Variants in CACNA2D3 observed in about 807,000 individuals in gnomAD.
CACNA2D3 encodes calcium voltage-gated channel auxiliary subunit alpha2delta 3, also known as voltage-dependent calcium channel subunit alpha-2/delta-3.
In CACNA2D3, 60 loss-of-function variants were observed where a neutral mutation model predicts 160.6. The observed-to-expected ratio is 0.37, with a 90% CI of 0.30 to 0.46. CACNA2D3 has a LOEUF of 0.46. CACNA2D3 is among the 20% of genes least tolerant of loss of function. The probability of loss-of-function intolerance (pLI) is 1.00; values close to 1 mark genes in which losing one functional copy is unlikely to be tolerated. For synonymous variants in CACNA2D3, 558 were observed against 492.9 expected (o/e 1.13, Z -1.75); for missense variants, 1,205 against 1,365.0 (o/e 0.88, Z 1.85).
chr3:54,217,317 C>G (rs954294885), intron 2 of CACNA2D3, among the ~76,000 whole-genome samples: 3 of 152,158 alleles, frequency 2.0e-5, no homozygotes, highest in Non-Finnish European at 4.4e-5. Context: ...GTGGCAGTGT[C>G]CCTTCCCCTG....
At chr3:54,289,139 A>T (rs1190176492) in intron 2 of CACNA2D3, among the ~76,000 whole-genome samples, 2 of 152,202 alleles carry the variant, frequency 1.3e-5, no homozygotes, top group African/African-American at 2.4e-5. Context: ...AGACGACATG[A>T]TTGTATATCT....
At chr3:54,843,365 G>A (rs940297862) in intron 16 of CACNA2D3, among the ~76,000 whole-genome samples, 4 of 152,244 alleles carry the variant, frequency 2.6e-5, no homozygotes, top group Admixed American at 2.0e-4. Context: ...ATGAGCTGAG[G>A]CTGAGCTTAT....
chr3:55,038,761 C>T (rs1192527474), intron 35 of CACNA2D3, among the ~76,000 whole-genome samples: 1 of 151,042 alleles, frequency 6.6e-6, no homozygotes, highest in Non-Finnish European at 1.5e-5. Flanking sequence ...TAATAATTTC[C>T]ATATAGAATG....
intron 4 of CACNA2D3, among the ~76,000 whole-genome samples, chr3:54,480,624 T>G (rs1267859413): frequency 6.6e-6 from 1 of 152,142 alleles, no homozygotes; most frequent in Non-Finnish European, 1.5e-5. Flanking sequence ...AATGGGCCTT[T>G]CTGTAATATA....
intron 11 of CACNA2D3, among the ~76,000 whole-genome samples, chr3:54,737,322 G>C (rs966820738): frequency 6.6e-6 from 1 of 152,012 alleles, no homozygotes. Context: ...TAAAAAGGGG[G>C]ACTTATGATA....
intron 2 of CACNA2D3, among the ~76,000 whole-genome samples, chr3:54,156,195 C>T (rs1346769879): frequency 1.3e-5 from 2 of 152,156 alleles, no homozygotes; most frequent in African/African-American, 4.8e-5. Flanking sequence ...CTGCGAATCA[C>T]CAGCAGGGGA....
intron 10 of CACNA2D3, chr3:54,639,566 GA>G: frequency 5.2e-6 from 1 of 190,534 alleles, no homozygotes. Flanking sequence ...GAGGGATAGT[GA>G]GGGAGGTTGG....
intron 27 of CACNA2D3, among the ~76,000 whole-genome samples, chr3:54,926,939 C>T (rs1360037563): frequency 6.6e-6 from 1 of 152,166 alleles, no homozygotes; most frequent in African/African-American, 2.4e-5. Flanking sequence ...CTGTCATTCA[C>T]CAAAGTAGCT....
At chr3:54,874,891 C>A (rs1699622693) in intron 18 of CACNA2D3, 1 of 152,208 alleles carries the variant, frequency 6.6e-6, no homozygotes, top group Non-Finnish European at 1.5e-5. Context: ...ATAGGGAGTG[C>A]CTTGCACATA....
At chr3:54,571,559 C>G (rs1239104521) in intron 8 of CACNA2D3, among the ~76,000 whole-genome samples, 1 of 151,270 alleles carries the variant, frequency 6.6e-6, no homozygotes, top group Non-Finnish European at 1.5e-5. Flanking sequence ...ACTCTCTTAC[C>G]AAAGGCTCGT....
At chr3:54,324,112 GA>G (rs1221158067) in intron 3 of CACNA2D3, among the ~76,000 whole-genome samples, 2 of 152,112 alleles carry the variant, frequency 1.3e-5, no homozygotes, top group South Asian at 2.1e-4. Context: ...AGTGCTGGGG[GA>G]AAAAAATGGA....
At chr3:54,494,907 C>A (rs1408886588) in intron 4 of CACNA2D3, among the ~76,000 whole-genome samples, 1 of 152,146 alleles carries the variant, frequency 6.6e-6, no homozygotes, top group Non-Finnish European at 1.5e-5. Flanking sequence ...CACTGACTGT[C>A]ATGAGGACAG....
chr3:54,456,809 C>G (rs979394907), intron 4 of CACNA2D3, among the ~76,000 whole-genome samples: 2 of 151,832 alleles, frequency 1.3e-5, no homozygotes, highest in Admixed American at 1.3e-4. Context: ...TTTTCTATTT[C>G]TTCTTGGCAA....
chr3:54,233,460 C>T (rs1701817041), intron 2 of CACNA2D3, among the ~76,000 whole-genome samples: 1 of 152,212 alleles, frequency 6.6e-6, no homozygotes. Flanking sequence ...GGCATAGAGC[C>T]TCCAGGCACC....
chr3:54,967,086 C>G (rs1336216496), intron 27 of CACNA2D3: 2 of 152,184 alleles, frequency 1.3e-5, no homozygotes, highest in Non-Finnish European at 2.9e-5. Flanking sequence ...ATTTCAGAGG[C>G]TTTTCACGTT....
chr3:54,476,270 A>G (rs148260576), intron 4 of CACNA2D3, among the ~76,000 whole-genome samples: 81 of 150,172 alleles, frequency 5.4e-4, no homozygotes, highest in Admixed American at 4.0e-3. Flanking sequence ...GTATATATAT[A>G]TATCACATAT....
intron 25 of CACNA2D3, among the ~76,000 whole-genome samples, chr3:54,892,060 T>C (rs780248250): frequency 1.1e-4 from 16 of 152,154 alleles, no homozygotes; most frequent in Non-Finnish European, 2.2e-4. Context: ...CCCTGCATCT[T>C]CAGAGAACCA....
Position 54,609,259 on chromosome 3 carries a change from C to T in CACNA2D3, c.964-18528C>T, listed in dbSNP as rs190257145. Among the ~76,000 whole-genome samples the T allele has an allele frequency of 6.0e-4, 91 of 152,244 alleles. 1 individual carries two copies. Among genetic ancestry groups the T allele is most frequent in the Non-Finnish European group, 1.1e-3 (77 of 68,008 alleles). ...ATCTGTATACCAAGAAAGGAGGCCT[C>T]GGGAGAAGCCAAAACTGCCGACACC... On this transcript the variant is annotated intron_variant, in intron 9 of 37. Coordinates refer to ENST00000474759, the MANE Select transcript of CACNA2D3 (RefSeq NM_018398.3).
At chr3:54,281,918 TC>T (rs2107463818) in intron 2 of CACNA2D3, among the ~76,000 whole-genome samples, 1 of 152,238 alleles carries the variant, frequency 6.6e-6, no homozygotes, top group East Asian at 1.9e-4. Context: ...AGTGGAGGCT[TC>T]CTTATGTGTG....
Sources: gnomAD v4.1 joint callset for allele counts (sites outside exome capture counted in the v4.1 genomes callset) on GRCh38, gnomAD v4.1.1 for gene constraint, MANE v1.5 for transcripts, NCBI Gene and HGNC (gene_info 2026-07-23, HGNC 2026-07-21) for gene names.